The following BDNF variants were observed in gnomAD, a reference collection of about 807,000 sequenced individuals.
BDNF encodes the protein neurotrophic factor BDNF precursor form.
Under a neutral mutation model 19.5 loss-of-function variants are expected in BDNF, and 1 was observed. That is an observed-to-expected ratio of 0.05 (90% CI 0.02 to 0.24). BDNF has a LOEUF of 0.24. BDNF is among the 10% of genes least tolerant of loss of function. The probability of loss-of-function intolerance (pLI) is 1.00; values close to 1 mark genes in which losing one functional copy is unlikely to be tolerated. For missense variants in BDNF, 195 were observed against 317.6 expected (o/e 0.61, Z 2.93); for synonymous variants, 100 against 121.6 (o/e 0.82, Z 1.17).
intron 1 of BDNF, among the ~76,000 whole-genome samples, chr11:27,675,116 G>A (rs1034843693): frequency 6.6e-6 from 1 of 152,132 alleles, no homozygotes; most frequent in Non-Finnish European, 1.5e-5. Flanking sequence ...CATAGATGTG[G>A]TGTCTTATAA....
At chr11:27,706,834 TA>T (rs1161082569) in intron 1 of BDNF, among the ~76,000 whole-genome samples, 1 of 152,230 alleles carries the variant, frequency 6.6e-6, no homozygotes, top group East Asian at 1.9e-4. Flanking sequence ...GGTTGTTTAA[TA>T]AAAAGATGAG....
chr11:27,659,734 G>C, intron 1 of BDNF: 1 of 936,912 alleles, frequency 1.1e-6, no homozygotes. Flanking sequence ...TAGGCAGCTA[G>C]TGCTTCTTTT....
At chr11:27,690,757 G>T (rs1858138154) in intron 1 of BDNF, among the ~76,000 whole-genome samples, 2 of 152,032 alleles carry the variant, frequency 1.3e-5, no homozygotes, top group Admixed American at 1.3e-4. Flanking sequence ...TCCTTATTTG[G>T]CATAATCATT....
At chr11:27,678,188 C>T (rs751646153) in intron 1 of BDNF, among the ~76,000 whole-genome samples, 23 of 152,150 alleles carry the variant, frequency 1.5e-4, no homozygotes, top group Non-Finnish European at 2.6e-4. Flanking sequence ...GATGAGGACA[C>T]GTATACACAC....
chr11:27,711,412 G>A (rs1015809856), intron 1 of BDNF, among the ~76,000 whole-genome samples: 39 of 152,124 alleles, frequency 2.6e-4, no homozygotes, highest in African/African-American at 8.0e-4. Flanking sequence ...ATCTCTCATC[G>A]GTTAGCAAAG....
chr11:27,670,450 A>G (rs1855168894), intron 1 of BDNF, among the ~76,000 whole-genome samples: 1 of 152,238 alleles, frequency 6.6e-6, no homozygotes, highest in Admixed American at 6.5e-5. Flanking sequence ...AGCAAAAGAA[A>G]CTACCATCAG....
At chr11:27,670,745 A>G (rs1324393850) in intron 1 of BDNF, among the ~76,000 whole-genome samples, 2 of 152,222 alleles carry the variant, frequency 1.3e-5, no homozygotes, top group African/African-American at 2.4e-5. Context: ...CGATCATTAA[A>G]GTCCGGAAAC....
chr11:27,687,024 C>T (rs188758534), intron 1 of BDNF, among the ~76,000 whole-genome samples: 16 of 152,282 alleles, frequency 1.1e-4, no homozygotes, highest in South Asian at 2.1e-4. Flanking sequence ...CCATTGTCCC[C>T]GCCACTTTCA....
intron 1 of BDNF, among the ~76,000 whole-genome samples, chr11:27,670,605 A>T (rs1238156714): frequency 6.6e-6 from 1 of 152,234 alleles, no homozygotes; most frequent in African/African-American, 2.4e-5. Context: ...GAAGGATATG[A>T]ACAGACACTT....
At chr11:27,687,036 G>A (rs1410468895) in intron 1 of BDNF, among the ~76,000 whole-genome samples, 1 of 152,144 alleles carries the variant, frequency 6.6e-6, no homozygotes, top group Non-Finnish European at 1.5e-5. Flanking sequence ...CCACTTTCAG[G>A]TACACCAATG....
intron 1 of BDNF, among the ~76,000 whole-genome samples, chr11:27,664,899 C>A (rs1340085458): frequency 6.6e-6 from 1 of 152,228 alleles, no homozygotes; most frequent in Non-Finnish European, 1.5e-5. Context: ...CAGAGCAACA[C>A]TGCCCCAGTA....
chr11:27,689,440 C>T (rs926371632), intron 1 of BDNF, among the ~76,000 whole-genome samples: 1 of 152,072 alleles, frequency 6.6e-6, no homozygotes, highest in Non-Finnish European at 1.5e-5. Context: ...TATGGAATAC[C>T]ACACATTTGG....
At chr11:27,685,504 T>C (rs1220610405) in intron 1 of BDNF, among the ~76,000 whole-genome samples, 1 of 152,224 alleles carries the variant, frequency 6.6e-6, no homozygotes, top group Non-Finnish European at 1.5e-5. Context: ...GTGTTGATTT[T>C]AGCTCTTTCC....
intron 1 of BDNF, among the ~76,000 whole-genome samples, chr11:27,660,648 A>C (rs114813081): frequency 0.019 from 2,968 of 152,230 alleles, 81 homozygotes; most frequent in African/African-American, 0.068. Context: ...ACTTTCTGTG[A>C]TCAGCTATTT....
chr11:27,706,006 C>T (rs1054993904), intron 1 of BDNF, among the ~76,000 whole-genome samples: 1 of 152,110 alleles, frequency 6.6e-6, no homozygotes, highest in Non-Finnish European at 1.5e-5. Flanking sequence ...TTTATTTTCC[C>T]TTGCCGTAGG....
At chr11:27,699,753 T>C in intron 1 of BDNF, 2 of 1,286,702 alleles carry the variant, frequency 1.6e-6, no homozygotes, top group Non-Finnish European at 2.0e-6. Flanking sequence ...ACCCACCCCC[T>C]GGAAGGATTC....
intron 1 of BDNF, among the ~76,000 whole-genome samples, chr11:27,666,437 G>C (rs528144738): frequency 3.9e-5 from 6 of 152,202 alleles, no homozygotes; most frequent in Non-Finnish European, 7.3e-5. Flanking sequence ...CACAAGTTGA[G>C]AGAAGAAGGC....
chr11:27,700,529 C>G (rs1327463139), upstream of BDNF: 25 of 528,724 alleles, frequency 4.7e-5, no homozygotes, highest in Admixed American at 9.2e-4. Flanking sequence ...CGCCCCCCCC[C>G]CCCCGCCCCC....
chr11:27,701,581 C>CG (rs2134090884), upstream of BDNF: 12 of 986,276 alleles, frequency 1.2e-5, no homozygotes, highest in Non-Finnish European at 1.4e-5. Context: ...GCTAGTTCGC[C>CG]GGGGGGAGCG....
Sources: allele counts gnomAD v4.1 joint callset (sites outside exome capture counted in the v4.1 genomes callset), GRCh38; gene constraint gnomAD v4.1.1; transcripts MANE v1.5; gene names NCBI Gene and HGNC (gene_info 2026-07-23, HGNC 2026-07-21).